Variants in GPR137C observed in about 807,000 individuals in gnomAD.
GPR137C encodes the protein G protein-coupled receptor 137C, also known as integral membrane protein GPR137C.
In GPR137C, 27 loss-of-function variants were observed where a neutral mutation model predicts 43.4. That is an observed-to-expected ratio of 0.62 (90% CI 0.46 to 0.86). The LOEUF (loss-of-function observed/expected upper bound fraction) is 0.86, where lower values mean the gene tolerates loss of function less well. Ranked by LOEUF, GPR137C falls within the 40% of genes least tolerant of loss-of-function variation. The pLI is 0.00. For synonymous variants in GPR137C, 285 were observed against 226.9 expected, an observed-to-expected ratio of 1.26 and a Z score of -2.30; for missense variants, 522 against 534.6, an observed-to-expected ratio of 0.98 and a Z score of 0.23.
At chr14:52,596,178 G>A (rs967816999) in intron 1 of GPR137C, among the ~76,000 whole-genome samples, 2 of 152,102 alleles carry the variant, frequency 1.3e-5, no homozygotes, top group Non-Finnish European at 2.9e-5. Context: ...TTGCTGCTTG[G>A]TCCTTCCTCT....
In GPR137C at chr14:52,633,899, T is replaced by G. The variant is rs1031227292; in HGVS notation, c.1065T>G (p.Tyr355Ter). ...ACTTTTTCGACAATCCAAGACGATA[T>G]GATAGTGATGATGACCTGCCAAGAC... is the stretch of plus-strand genomic sequence containing the variant. ...RAYFFDNPRR[Y>*]DSDDDLPRLG... Residue 355 changes from tyrosine (Y) to a stop codon, truncating the protein, a stop_gained, in exon 6 of 7, where the codon TAT becomes TAG. Transcript: ENST00000321662. LOFTEE classifies it high-confidence loss of function. 1.2e-6 allele frequency: 2 copies of G among 1,612,132 alleles called. No individual in the cohort carries two copies. The highest frequency in any genetic ancestry group is 2.7e-5 in the African/African-American group (2 of 74,820).
chr14:52,609,458 A>G (rs1273828926), intron 3 of GPR137C, among the ~76,000 whole-genome samples: 1 of 152,162 alleles, frequency 6.6e-6, no homozygotes, highest in Non-Finnish European at 1.5e-5. Context: ...AATGTTCTTG[A>G]TGCTTGTGGA....
chr14:52,626,810 A>G (rs2039232942), intron 3 of GPR137C, among the ~76,000 whole-genome samples: 1 of 152,192 alleles, frequency 6.6e-6, no homozygotes, highest in South Asian at 2.1e-4. Context: ...ATTTTTATAT[A>G]TAACAGGAAT....
At chr14:52,574,821 T>C (rs2139467943) in intron 1 of GPR137C, among the ~76,000 whole-genome samples, 1 of 152,328 alleles carries the variant, frequency 6.6e-6, no homozygotes, top group South Asian at 2.1e-4. Flanking sequence ...CATTATTAGA[T>C]CTATTTCCTT....
intron 1 of GPR137C, among the ~76,000 whole-genome samples, chr14:52,586,536 G>T (rs1297870079): frequency 1.3e-5 from 2 of 152,106 alleles, no homozygotes; most frequent in African/African-American, 4.8e-5. Context: ...AAACTACTCT[G>T]CTGTTTTCTA....
rs142321436 is a variant in GPR137C at position 52,598,808 on chromosome 14, A to T, written c.488+493A>T. 2.6e-4 allele frequency among the ~76,000 whole-genome samples: 39 copies of T among 152,244 alleles called. No homozygotes were observed. In the East Asian group the frequency reaches 6.2e-3, roughly 24 times the overall value. ...CCTCTACTAGTTTCTAAACTACTCT[A>T]ATTATCTGGATATGTAGGTGATTTC... On this transcript the variant is annotated intron_variant, in intron 2 of 6. Transcript: ENST00000321662.
chr14:52,628,267 T>C (rs977040721), intron 3 of GPR137C, among the ~76,000 whole-genome samples: 3 of 152,198 alleles, frequency 2.0e-5, no homozygotes. Context: ...AAGGAATTTT[T>C]TAAACTAGTG....
At chr14:52,571,444 G>C (rs1272932129) in intron 1 of GPR137C, among the ~76,000 whole-genome samples, 2 of 152,108 alleles carry the variant, frequency 1.3e-5, no homozygotes, top group African/African-American at 4.8e-5. Context: ...AGAGGCCGAG[G>C]CGGGTGGATC....
intron 1 of GPR137C, among the ~76,000 whole-genome samples, chr14:52,561,350 A>C (rs899081073): frequency 6.6e-6 from 1 of 152,176 alleles, no homozygotes. Context: ...GCACAGGCCT[A>C]TGGTCCCAGC....
chr14:52,591,918 G>T (rs190223889), intron 1 of GPR137C, among the ~76,000 whole-genome samples: 2 of 152,102 alleles, frequency 1.3e-5, no homozygotes, highest in Non-Finnish European at 2.9e-5. Context: ...GTCCTGAATG[G>T]TATTGCCTAG....
Position 52,612,381 on chromosome 14 carries a change from G to A in GPR137C, c.717+12040G>A, listed in dbSNP as rs573220696. 1.6e-3 allele frequency: 1,527 copies of A among 951,546 alleles called. 6 individuals carry two copies. Among genetic ancestry groups the A allele is most frequent in the Middle Eastern group, 6.0e-3 (11 of 1,834 alleles). 58.9% of individuals were successfully genotyped at this position (951,546 alleles called of 1,614,324 possible). On this transcript the variant is annotated intron_variant, in intron 3 of 6. Coordinates refer to ENST00000321662, the MANE Select transcript of GPR137C (RefSeq NM_001099652.2). ...AAATTAATTCTTATCCTACTGATAG[G>A]CCTTTAAGTGGTTTTCAAAAAAGAA...
intron 3 of GPR137C, among the ~76,000 whole-genome samples, chr14:52,627,220 C>G (rs918888827): frequency 3.9e-5 from 6 of 151,964 alleles, no homozygotes; most frequent in Non-Finnish European, 8.8e-5. Context: ...TAGTGAGATG[C>G]TATTTCTACA....
chr14:52,564,499 A>G (rs1310351922), intron 1 of GPR137C, among the ~76,000 whole-genome samples: 4 of 152,010 alleles, frequency 2.6e-5, no homozygotes, highest in Non-Finnish European at 1.5e-5. Context: ...TTTTCCTGCT[A>G]CTTAGAATGT....
At chr14:52,609,437 A>G (rs1365200196) in intron 3 of GPR137C, among the ~76,000 whole-genome samples, 1 of 152,180 alleles carries the variant, frequency 6.6e-6, no homozygotes, top group Non-Finnish European at 1.5e-5. Flanking sequence ...TGATGAGGTC[A>G]TATTTCTCTG....
intron 3 of GPR137C, among the ~76,000 whole-genome samples, chr14:52,623,110 A>C (rs1357477179): frequency 1.3e-5 from 2 of 152,196 alleles, no homozygotes; most frequent in Non-Finnish European, 2.9e-5. Context: ...CGTTGACATA[A>C]AAGAATATTT....
intron 3 of GPR137C, among the ~76,000 whole-genome samples, chr14:52,630,845 A>T (rs2039286378): frequency 6.6e-6 from 1 of 152,074 alleles, no homozygotes. Context: ...AGGAAATAAA[A>T]GGAGAGCAAT....
chr14:52,576,467 C>T (rs1234269025), intron 1 of GPR137C, among the ~76,000 whole-genome samples: 1 of 152,126 alleles, frequency 6.6e-6, no homozygotes, highest in African/African-American at 2.4e-5. Flanking sequence ...ATTTCTTTCC[C>T]TTTGGGTATA....
At chr14:52,579,163 C>T (rs1416918777) in intron 1 of GPR137C, among the ~76,000 whole-genome samples, 1 of 152,114 alleles carries the variant, frequency 6.6e-6, no homozygotes, top group African/African-American at 2.4e-5. Context: ...AGAACCTAGT[C>T]AGGGAAGAGG....
chr14:52,613,556 G>T (rs2039063077), intron 3 of GPR137C: 1 of 167,274 alleles, frequency 6.0e-6, no homozygotes, highest in African/African-American at 2.4e-5. Context: ...ATCTCCATGA[G>T]TTCAATTGTT....
Sources: gnomAD v4.1 joint callset for allele counts (sites outside exome capture counted in the v4.1 genomes callset) on GRCh38, gnomAD v4.1.1 for gene constraint, MANE v1.5 for transcripts, NCBI Gene and HGNC (gene_info 2026-07-23, HGNC 2026-07-21) for gene names.